The following DNHD1 variants were observed in gnomAD, a reference collection of about 807,000 sequenced individuals.
DNHD1 encodes dynein heavy chain domain-containing protein 1.
In DNHD1, 383 loss-of-function variants were observed where a neutral mutation model predicts 458.1. That is an observed-to-expected ratio of 0.84 (90% CI 0.77 to 0.91). DNHD1 has a LOEUF of 0.91. Ranked by LOEUF, DNHD1 falls within the 40% of genes least tolerant of loss-of-function variation. The pLI is 0.00. For synonymous variants in DNHD1, 2,203 were observed against 2,376.9 expected (o/e 0.93, Z 2.13); for missense variants, 5,336 against 5,866.1 (o/e 0.91, Z 2.95).
chr11:6,539,802 T>C (rs1589881989), intron 17 of DNHD1, 74 bp from the exon 18 acceptor site: 4 of 1,398,388 alleles, frequency 2.9e-6, no homozygotes, highest in Non-Finnish European at 4.0e-6. Flanking sequence ...TCAGATCCAA[T>C]CCCCAAGTCT....
intron 6 of DNHD1, among the ~76,000 whole-genome samples, chr11:6,510,095 T>A (rs1852306241): frequency 6.6e-6 from 1 of 152,088 alleles, no homozygotes; most frequent in Non-Finnish European, 1.5e-5. Context: ...AGAATTTTTT[T>A]TTTTTTAAAT....
intron 7 of DNHD1, among the ~76,000 whole-genome samples, chr11:6,513,248 A>C (rs1326333519): frequency 6.6e-6 from 1 of 152,196 alleles, no homozygotes; most frequent in East Asian, 1.9e-4. Flanking sequence ...ACAGTAGACA[A>C]ATTTTAACTG....
rs1320902468 is a variant in DNHD1 at position 6,546,429 on chromosome 11, T to A, written c.5490T>A (p.Pro1830=). The change falls in exon 21 of 43, where the codon CCT becomes CCA. Residue 1830 remains proline (P), a synonymous_variant. Transcript: ENST00000254579. ...LLLRPVALAL[P]DLRQVAELTL... Reference sequence around the variant, plus strand: ...TGCGGCCTGTGGCATTGGCATTGCCTGATCTGCGGCAAGTGGCAGAGCTGA... The same window carrying A: ...TGCGGCCTGTGGCATTGGCATTGCCAGATCTGCGGCAAGTGGCAGAGCTGA... 1 of 1,551,698 alleles carries A rather than the reference T, an allele frequency of 6.4e-7. No homozygotes were observed.
chr11:6,519,951 C>A lies in DNHD1; in HGVS notation c.1648-14C>A. On this transcript the variant is annotated splice_polypyrimidine_tract_variant and intron_variant, in intron 8 of 42. Coordinates refer to ENST00000254579, the MANE Select transcript of DNHD1 (RefSeq NM_144666.3). ...ATCTAGCCCCTCGACCTTTCCTGAC[C>A]CTTTTTTTTACAGGCCCCAAGGCAG... is the stretch of plus-strand genomic sequence containing the variant. The A allele has an allele frequency of 1.9e-6, 3 of 1,614,004 alleles. No homozygotes were observed. In the South Asian group the frequency reaches 3.3e-5, roughly 18 times the overall value.
intron 28 of DNHD1, among the ~76,000 whole-genome samples, chr11:6,561,459 G>T (rs1050550537): frequency 1.3e-5 from 2 of 152,256 alleles, no homozygotes; most frequent in South Asian, 4.2e-4. Flanking sequence ...AAATAGGTTA[G>T]ATTGCTTCCT....
chr11:6,519,488 A>G, intron 7 of DNHD1, 112 bp from the exon 8 acceptor site: 1 of 1,199,010 alleles, frequency 8.3e-7, no homozygotes, highest in African/African-American at 1.5e-5. Flanking sequence ...CTCCATATGT[A>G]TATCTAGGTT....
chr11:6,536,905 A>T (rs984260053), intron 14 of DNHD1, among the ~76,000 whole-genome samples: 1 of 152,234 alleles, frequency 6.6e-6, no homozygotes, highest in Non-Finnish European at 1.5e-5. Flanking sequence ...TTAGACAAAG[A>T]CTGGAAGAGT....
In DNHD1 at chr11:6,558,513, C is replaced by T. The variant is rs1451295821; in HGVS notation, c.9031C>T (p.His3011Tyr). The stretch of plus-strand genomic sequence containing the variant: ...CCACCAGCAAGTGTGCAGCCACCTT[C>T]ACCTGTTCTTCCTGATTGGAGATAA... ...RFHQQVCSHL[H>Y]LFFLIGDKQA... The change falls in exon 26 of 43, where the codon CAC becomes TAC. Residue 3011 changes from histidine (H) to tyrosine (Y), a missense_variant. This residue lies in a region of DNHD1 where 3,932 missense variants were observed against 4,365.6 expected (regional missense o/e 0.90). Coordinates refer to ENST00000254579, the MANE Select transcript of DNHD1 (RefSeq NM_144666.3). 1.3e-6 allele frequency: 2 copies of T among 1,551,718 alleles called. No homozygotes were observed. Among genetic ancestry groups the T allele is most frequent in the Non-Finnish European group, 1.7e-6 (2 of 1,146,996 alleles).
chr11:6,539,152 A>T, intron 16 of DNHD1, 67 bp from the exon 17 acceptor site: 1 of 1,117,860 alleles, frequency 8.9e-7, no homozygotes, highest in Non-Finnish European at 1.3e-6. Flanking sequence ...GGGCTCTGGG[A>T]TATGGGATAT....
chr11:6,547,450 C>T lies in DNHD1; in HGVS notation c.6511C>T (p.Gln2171Ter), dbSNP rs1302113371. 17 of 1,551,370 alleles carry T rather than the reference C, an allele frequency of 1.1e-5. No individual in the cohort carries two copies. Among genetic ancestry groups the T allele is most frequent in the African/African-American group, 1.4e-5 (1 of 73,160 alleles). Residue 2171 changes from glutamine (Q) to a stop codon, truncating the protein, a stop_gained, in exon 21 of 43, where the codon CAG (glutamine) becomes TAG (stop). Transcript: ENST00000254579. LOFTEE classifies it high-confidence loss of function. ...ATCCCTTCCTTATGAGTACCGCCTGCAGCACCGGACAGTCGCTGAGCTCAA... is the reference window on the plus strand; with the variant it reads ...ATCCCTTCCTTATGAGTACCGCCTGTAGCACCGGACAGTCGCTGAGCTCAA... ...MASLPYEYRLQHRTVAELNHM... is the reference protein window; with the variant it reads ...MASLPYEYRL
chr11:6,531,205 C>T (rs1326439707), intron 12 of DNHD1, among the ~76,000 whole-genome samples: 2 of 152,126 alleles, frequency 1.3e-5, no homozygotes, highest in African/African-American at 4.8e-5. Flanking sequence ...TTAACTCTGT[C>T]GTTTCTCTTC....
At position 6,567,370 on chromosome 11, in the gene DNHD1, G is replaced by C; in HGVS notation, c.11861G>C (p.Arg3954Thr). Residue 3954 changes from arginine to threonine, a missense_variant, in exon 36 of 43, where the codon AGA (arginine) becomes ACA (threonine). Coordinates refer to ENST00000254579, the MANE Select transcript of DNHD1 (RefSeq NM_144666.3). ...ACAGGGAAAGCATCAGAGCTGGAAA[G>C]ACTGGCACTCTGGCCTGGACTAGCA... ...QATGKASELE[R>T]LALWPGLAAS... 1 of 1,614,056 alleles carries C rather than the reference G, an allele frequency of 6.2e-7. No individual in the cohort carries two copies. The highest frequency in any genetic ancestry group is 8.5e-7 in the Non-Finnish European group (1 of 1,179,888).
At chr11:6,551,736 A>T (rs563026715) in intron 24 of DNHD1, among the ~76,000 whole-genome samples, 117 of 152,172 alleles carry the variant, frequency 7.7e-4, no homozygotes, top group East Asian at 1.4e-3. Context: ...AGGTCAGGAG[A>T]TGGAGACCAT....
intron 10 of DNHD1, among the ~76,000 whole-genome samples, chr11:6,522,148 A>G (rs1401803770): frequency 2.0e-5 from 3 of 151,860 alleles, no homozygotes; most frequent in Non-Finnish European, 4.4e-5. Context: ...TCTTTTGAAA[A>G]GTGTCTGTTC....
chr11:6,500,115 C>T (rs1852105362), intron 3 of DNHD1, among the ~76,000 whole-genome samples: 1 of 152,130 alleles, frequency 6.6e-6, no homozygotes, highest in South Asian at 2.1e-4. Flanking sequence ...CAGGCTCATG[C>T]CACCACGCTC....
Position 6,567,549 on chromosome 11 carries a change from C to T in DNHD1, c.12040C>T (p.Gln4014Ter). The change falls in exon 36 of 43, where the codon CAG becomes TAG. Residue 4014 changes from glutamine (Q) to a stop codon, truncating the protein, a stop_gained. Coordinates refer to ENST00000254579, the MANE Select transcript of DNHD1 (RefSeq NM_144666.3). LOFTEE classifies it high-confidence loss of function. ...CCTGGCAGGCCACTCCAGTGCTTGGCAGGCTTACCTGTCACTGTCATCCAC... is the reference window on the plus strand; with the variant it reads ...CCTGGCAGGCCACTCCAGTGCTTGGTAGGCTTACCTGTCACTGTCATCCAC... ...ASLAGHSSAW[Q>*]AYLSLSSTVL... 6.2e-7 allele frequency: 1 copy of T among 1,612,940 alleles called. No homozygotes were observed. The highest frequency in any genetic ancestry group is 2.2e-5 in the East Asian group (1 of 44,832).
In DNHD1 at chr11:6,546,550, C is replaced by A; in HGVS notation, c.5611C>A (p.Pro1871Thr). 1 of 1,551,488 alleles carries A rather than the reference C, an allele frequency of 6.4e-7. No homozygotes were observed. The highest frequency in any genetic ancestry group is 1.4e-5 in the African/African-American group (1 of 73,156). Residue 1871 changes from proline to threonine, a missense_variant, in exon 21 of 43, where the codon CCC (proline) becomes ACC (threonine). Physicochemically the swap from Pro to Thr is conservative, Grantham distance 38. Coordinates refer to ENST00000254579, the MANE Select transcript of DNHD1 (RefSeq NM_144666.3). The stretch of plus-strand genomic sequence containing the variant: ...GCGTGAGCTGGTGTCTGGGCCCCTG[C>A]CCTGCCGCCTGCCACTGCTCAAGCA... ...LERELVSGPLPCRLPLLKQIL... is the reference protein window; with the variant it reads ...LERELVSGPLTCRLPLLKQIL...
intron 7 of DNHD1, among the ~76,000 whole-genome samples, chr11:6,512,411 A>G (rs1431032002): frequency 2.6e-5 from 4 of 150,976 alleles, no homozygotes; most frequent in Non-Finnish European, 2.9e-5. Flanking sequence ...TTTAGTAGAG[A>G]TGGGGTTTCA....
At chr11:6,552,313 C>T (rs1259261092) in intron 24 of DNHD1, among the ~76,000 whole-genome samples, 1 of 151,984 alleles carries the variant, frequency 6.6e-6, no homozygotes, top group Non-Finnish European at 1.5e-5. Context: ...CCCTTGAGGT[C>T]AGGAGTTTGA....
Sources: gnomAD v4.1 joint callset for allele counts (sites outside exome capture counted in the v4.1 genomes callset) on GRCh38, gnomAD v4.1.1 for gene constraint, gnomAD v4.1.1 regional missense constraint, MANE v1.5 for transcripts, NCBI Gene and HGNC (gene_info 2026-07-23, HGNC 2026-07-21) for gene names.